Variants in GSK3B observed in about 807,000 individuals in gnomAD.
The protein encoded by GSK3B is glycogen synthase kinase-3 beta.
Under a neutral mutation model 56.4 loss-of-function variants are expected in GSK3B, and 15 were observed. The observed-to-expected ratio is 0.27, with a 90% CI of 0.18 to 0.41. The LOEUF (loss-of-function observed/expected upper bound fraction) is 0.41. Ranked by LOEUF, GSK3B falls within the 10% of genes least tolerant of loss-of-function variation. The pLI is 1.00. For missense variants in GSK3B, 300 were observed against 513.4 expected, an observed-to-expected ratio of 0.58 and a Z score of 4.02; for synonymous variants, 181 against 188.9, an observed-to-expected ratio of 0.96 and a Z score of 0.34.
In GSK3B at chr3:119,916,193, A is replaced by T; in HGVS notation, c.478-19T>A. 1 of 1,570,970 alleles carries T rather than the reference A, an allele frequency of 6.4e-7. No homozygotes were observed. Among genetic ancestry groups the T allele is most frequent in the South Asian group, 1.1e-5 (1 of 89,756 alleles). ...TATACAACTGGAATAGATAGTAGAA[A>T]TTAATTAAATACTTCCTATTCTAAA... On this transcript the variant is annotated intron_variant, in intron 4 of 10. Coordinates refer to ENST00000264235, the MANE Select transcript of GSK3B (RefSeq NM_001146156.2).
At chr3:119,843,404 C>T (rs1236547645) in intron 9 of GSK3B, 51 bp from the exon 10 acceptor site, 2 of 981,358 alleles carry the variant, frequency 2.0e-6, no homozygotes, top group Non-Finnish European at 1.6e-6. Flanking sequence ...ACTTTGTATG[C>T]AAAACTATTT....
intron 1 of GSK3B, among the ~76,000 whole-genome samples, chr3:120,079,339 CACACACACACAT>C (rs1182682171): frequency 4.9e-4 from 67 of 137,310 alleles, no homozygotes; most frequent in African/African-American, 1.7e-3. Context: ...CACACACACA[CACACACACACAT>C]TTTTTTTTTT....
At chr3:119,881,344 G>A (rs1193631940) in intron 7 of GSK3B, among the ~76,000 whole-genome samples, 1 of 152,140 alleles carries the variant, frequency 6.6e-6, no homozygotes, top group Non-Finnish European at 1.5e-5. Context: ...GTTTAACAAA[G>A]AGGATGTGGA....
At chr3:120,047,437 A>G (rs2058113106) in intron 1 of GSK3B, among the ~76,000 whole-genome samples, 1 of 152,162 alleles carries the variant, frequency 6.6e-6, no homozygotes, top group Admixed American at 6.5e-5. Flanking sequence ...ACGAACACAC[A>G]CTAAACCCAA....
At chr3:119,965,253 G>A (rs111968754) in intron 2 of GSK3B, among the ~76,000 whole-genome samples, 12,778 of 149,458 alleles carry the variant, frequency 0.085, 680 homozygotes, top group Non-Finnish European at 0.11. Flanking sequence ...TAGTAGAGAC[G>A]GGGTTTCACC....
At chr3:119,994,629 G>GA (rs1466952858) in intron 2 of GSK3B, among the ~76,000 whole-genome samples, 2 of 152,016 alleles carry the variant, frequency 1.3e-5, no homozygotes, top group Non-Finnish European at 2.9e-5. Flanking sequence ...GCATTAAGAA[G>GA]AAAAAAATCA....
chr3:119,987,509 G>C (rs1269806268), intron 2 of GSK3B, among the ~76,000 whole-genome samples: 1 of 152,128 alleles, frequency 6.6e-6, no homozygotes, highest in African/African-American at 2.4e-5. Context: ...GTTTTGAAAC[G>C]TTAATTATAA....
At chr3:119,964,569 AG>A (rs1272586126) in intron 2 of GSK3B, among the ~76,000 whole-genome samples, 1 of 152,242 alleles carries the variant, frequency 6.6e-6, no homozygotes, top group Non-Finnish European at 1.5e-5. Context: ...CTATATAAGT[AG>A]ACAATAGAAT....
At chr3:119,952,729 A>G (rs72969111) in intron 2 of GSK3B, among the ~76,000 whole-genome samples, 1,844 of 151,794 alleles carry the variant, frequency 0.012, 33 homozygotes, top group African/African-American at 0.042. Flanking sequence ...ACAAAAAATT[A>G]AAAAAAACTA....
chr3:119,971,374 T>C (rs1265098216), intron 2 of GSK3B, among the ~76,000 whole-genome samples: 2 of 152,144 alleles, frequency 1.3e-5, no homozygotes, highest in Admixed American at 1.3e-4. Context: ...CTCCTACAGG[T>C]ACAGTTTCAT....
At chr3:119,982,483 T>C (rs1271009958) in intron 2 of GSK3B, among the ~76,000 whole-genome samples, 4 of 152,106 alleles carry the variant, frequency 2.6e-5, no homozygotes, top group Non-Finnish European at 5.9e-5. Context: ...ATTAGACTAA[T>C]GGCTAACTAG....
intron 10 of GSK3B, among the ~76,000 whole-genome samples, chr3:119,829,161 A>G (rs2055562211): frequency 1.3e-5 from 2 of 152,188 alleles, no homozygotes; most frequent in African/African-American, 2.4e-5. Flanking sequence ...CATTCTGTGC[A>G]TCAATAACCT....
chr3:119,986,167 C>A (rs1172535555), intron 2 of GSK3B, among the ~76,000 whole-genome samples: 1 of 152,124 alleles, frequency 6.6e-6, no homozygotes, highest in Non-Finnish European at 1.5e-5. Flanking sequence ...TTCCTTACAC[C>A]TTATAGAAAA....
At chr3:120,013,070 A>C (rs1193095518) in intron 1 of GSK3B, among the ~76,000 whole-genome samples, 1 of 152,104 alleles carries the variant, frequency 6.6e-6, no homozygotes, top group Non-Finnish European at 1.5e-5. Context: ...ATCTCCTAAA[A>C]ACAGGATTGT....
chr3:119,934,372 T>C (rs2056974392), intron 3 of GSK3B, among the ~76,000 whole-genome samples: 2 of 152,204 alleles, frequency 1.3e-5, no homozygotes, highest in African/African-American at 4.8e-5. Flanking sequence ...CCCAGTTTTA[T>C]CATTAAAAAA....
At chr3:120,088,068 A>AT (rs2058480316) in intron 1 of GSK3B, among the ~76,000 whole-genome samples, 1 of 152,084 alleles carries the variant, frequency 6.6e-6, no homozygotes, top group South Asian at 2.1e-4. Context: ...TAATTTTTGT[A>AT]TTTTTAGTAG....
At chr3:119,852,529 G>A (rs2108021015) in intron 9 of GSK3B, among the ~76,000 whole-genome samples, 1 of 152,004 alleles carries the variant, frequency 6.6e-6, no homozygotes, top group South Asian at 2.1e-4. Context: ...TGTATTTTTA[G>A]TAGAGACGGG....
chr3:120,048,460 C>T (rs1243613482), intron 1 of GSK3B, among the ~76,000 whole-genome samples: 2 of 152,230 alleles, frequency 1.3e-5, no homozygotes, highest in Non-Finnish European at 2.9e-5. Flanking sequence ...TAAATACTGG[C>T]TCTGCCACTT....
chr3:120,044,337 C>T (rs1447907406), intron 1 of GSK3B, among the ~76,000 whole-genome samples: 1 of 152,168 alleles, frequency 6.6e-6, no homozygotes, highest in East Asian at 1.9e-4. Context: ...AGAGCTTACC[C>T]ATCAGTCTGC....
Sources: allele counts gnomAD v4.1 joint callset (sites outside exome capture counted in the v4.1 genomes callset), GRCh38; gene constraint gnomAD v4.1.1; transcripts MANE v1.5; gene names NCBI Gene and HGNC (gene_info 2026-07-23, HGNC 2026-07-21).